The following PRELID2 variants were observed in gnomAD, a reference collection of about 807,000 sequenced individuals.
PRELID2 encodes the protein PRELI domain containing 2, also known as PRELI domain-containing protein 2.
Under a neutral mutation model 28.4 loss-of-function variants are expected in PRELID2, and 25 were observed. The observed-to-expected ratio is 0.88, with a 90% CI of 0.64 to 1.23. The LOEUF (loss-of-function observed/expected upper bound fraction) is 1.23. Among genes scored for constraint, PRELID2 ranks in the 50% most tolerant of loss-of-function variants. The pLI, the probability that PRELID2 is intolerant of heterozygous loss-of-function variation, is 0.00. For missense variants in PRELID2, 201 were observed against 214.4 expected, an observed-to-expected ratio of 0.94 and a Z score of 0.39; for synonymous variants, 76 against 71.6, an observed-to-expected ratio of 1.06 and a Z score of -0.31.
intron 1 of PRELID2, among the ~76,000 whole-genome samples, chr5:145,596,444 A>C: frequency 6.6e-6 from 1 of 152,194 alleles, no homozygotes; most frequent in East Asian, 1.9e-4. Context: ...TAGACGAAAA[A>C]TCAGCCAAAA....
intron 1 of PRELID2, among the ~76,000 whole-genome samples, chr5:145,644,259 G>C (rs1754157976): frequency 6.6e-6 from 1 of 152,126 alleles, no homozygotes; most frequent in Non-Finnish European, 1.5e-5. Flanking sequence ...ATGTGTCCAG[G>C]AATTTATCCA....
At chr5:145,332,021 G>A in the PRELID2 span, among the ~76,000 whole-genome samples, 51 of 152,126 alleles carry the variant, frequency 3.4e-4, no homozygotes, top group African/African-American at 5.3e-4. Flanking sequence ...CTTCTCCTTC[G>A]CTTCTGAAGC....
At chr5:145,823,197 G>A in intron 1 of PRELID2, 63 bp from the exon 2 acceptor site, 1 of 830,844 alleles carries the variant, frequency 1.2e-6, no homozygotes, top group East Asian at 2.5e-5. Context: ...CTATTTAGAA[G>A]TAACCACAGC....
chr5:145,272,548 A>T, the PRELID2 span, among the ~76,000 whole-genome samples: 1 of 152,100 alleles, frequency 6.6e-6, no homozygotes, highest in Non-Finnish European at 1.5e-5. Context: ...TGGGCTCTAG[A>T]GAGATTGGTG....
At chr5:145,445,767 C>T in the PRELID2 span, among the ~76,000 whole-genome samples, 6 of 144,230 alleles carry the variant, frequency 4.2e-5, 1 homozygote, top group African/African-American at 1.5e-4. Flanking sequence ...CACACACACA[C>T]ATCAACATCA....
chr5:145,390,122 T>C, the PRELID2 span, among the ~76,000 whole-genome samples: 6 of 152,276 alleles, frequency 3.9e-5, no homozygotes, highest in South Asian at 1.2e-3. Context: ...ACAGTGGAAG[T>C]ACATAGGAAA....
the PRELID2 span, among the ~76,000 whole-genome samples, chr5:145,385,969 G>A: frequency 6.6e-6 from 1 of 152,004 alleles, no homozygotes; most frequent in Non-Finnish European, 1.5e-5. Flanking sequence ...TATGTGTCAA[G>A]GGAGGGACAA....
chr5:145,424,964 A>C, the PRELID2 span, among the ~76,000 whole-genome samples: 4 of 152,178 alleles, frequency 2.6e-5, no homozygotes, highest in African/African-American at 9.7e-5. Context: ...AAAAGAAACT[A>C]TCATCAGAGT....
In PRELID2 at chr5:145,757,713, G is replaced by A. The variant is rs1757299526; in HGVS notation, c.*2823C>T. ...ACAGTGGCTCAAGCCTGTAATCCCA[G>A]CACTTTGGGAGGCAGAGGCAGAGGC... On this transcript the variant is annotated 3_prime_UTR_variant, in exon 7 of 7. Coordinates refer to ENST00000683046, the MANE Select transcript of PRELID2 (RefSeq NM_205846.3). 6.6e-6 allele frequency among the ~76,000 whole-genome samples: 1 copy of A among 151,272 alleles called. No homozygotes were observed. The highest frequency in any genetic ancestry group is 2.1e-4 in the South Asian group (1 of 4,806).
intron 1 of PRELID2, among the ~76,000 whole-genome samples, chr5:145,569,308 C>T (rs957613405): frequency 7.2e-5 from 11 of 152,200 alleles, no homozygotes; most frequent in African/African-American, 2.7e-4. Flanking sequence ...GGTTTTTCTA[C>T]AGAATATATT....
At chr5:145,672,491 C>T (rs9686432) in intron 1 of PRELID2, among the ~76,000 whole-genome samples, 108 of 137,350 alleles carry the variant, frequency 7.9e-4, no homozygotes, top group South Asian at 4.1e-3. Flanking sequence ...GAATTCCCCA[C>T]GGAGCTTGTG....
At chr5:145,761,347 T>C (rs576354170) in intron 6 of PRELID2, among the ~76,000 whole-genome samples, 9 of 152,350 alleles carry the variant, frequency 5.9e-5, no homozygotes, top group Non-Finnish European at 1.2e-4. Context: ...TGGAACTTTA[T>C]GAGCAATTTT....
chr5:145,582,388 T>C (rs1251959710), intron 1 of PRELID2, among the ~76,000 whole-genome samples: 1 of 151,866 alleles, frequency 6.6e-6, no homozygotes, highest in Non-Finnish European at 1.5e-5. Context: ...GTTCCACACA[T>C]CTTCAAACAA....
chr5:145,702,554 C>T (rs1755434750), intron 1 of PRELID2, among the ~76,000 whole-genome samples: 2 of 152,178 alleles, frequency 1.3e-5, no homozygotes, highest in Admixed American at 6.5e-5. Flanking sequence ...AAAACTCTGA[C>T]AGCTAGCTTA....
At chr5:145,778,283 C>A (rs1006860198) in intron 5 of PRELID2, among the ~76,000 whole-genome samples, 7 of 152,058 alleles carry the variant, frequency 4.6e-5, no homozygotes, top group Non-Finnish European at 8.8e-5. Flanking sequence ...CACTCCAGAG[C>A]CTCCTCTCTG....
chr5:145,248,208 TC>T, the PRELID2 span, among the ~76,000 whole-genome samples: 14 of 151,020 alleles, frequency 9.3e-5, no homozygotes, highest in African/African-American at 2.4e-4. Flanking sequence ...ATTCCTTCGT[TC>T]CCCCCCCTTC....
chr5:145,433,522 G>A, the PRELID2 span, among the ~76,000 whole-genome samples: 1 of 152,080 alleles, frequency 6.6e-6, no homozygotes, highest in South Asian at 2.1e-4. Context: ...CTTCACCTGG[G>A]CATCGTCAGT....
chr5:145,290,235 C>T, the PRELID2 span, among the ~76,000 whole-genome samples: 81 of 152,200 alleles, frequency 5.3e-4, no homozygotes, highest in African/African-American at 1.8e-3. Flanking sequence ...TTTGACCCAG[C>T]GATCCCATTA....
chr5:145,303,477 T>G, the PRELID2 span, among the ~76,000 whole-genome samples: 1 of 152,182 alleles, frequency 6.6e-6, no homozygotes, highest in African/African-American at 2.4e-5. Flanking sequence ...TATAGAGAAC[T>G]CATGGTGCCC....
Sources: gnomAD v4.1 joint callset for allele counts (sites outside exome capture counted in the v4.1 genomes callset) on GRCh38, gnomAD v4.1.1 for gene constraint, MANE v1.5 for transcripts, NCBI Gene and HGNC (gene_info 2026-07-23, HGNC 2026-07-21) for gene names.